BCAP29: variants seen among roughly 807,000 people sequenced by gnomAD.
BCAP29 encodes B cell receptor associated protein 29, also known as B-cell receptor-associated protein 29.
In BCAP29, 34 loss-of-function variants were observed where a neutral mutation model predicts 31.8. That is an observed-to-expected ratio of 1.07 (90% CI 0.81 to 1.42). The LOEUF (loss-of-function observed/expected upper bound fraction) is 1.42, where lower values mean the gene tolerates loss of function less well. BCAP29 is among the 40% of genes most tolerant of loss of function. The pLI is 0.00. For synonymous variants in BCAP29, 104 were observed against 91.3 expected (o/e 1.14, Z -0.79); for missense variants, 314 against 269.2 (o/e 1.17, Z -1.16).
Position 107,580,766 on chromosome 7 carries a change from G to GA in BCAP29, c.1dup, listed in dbSNP as rs1806481076. 6 of 1,591,482 alleles carry GA rather than the reference G, an allele frequency of 3.8e-6. No homozygotes were observed. In the South Asian group the frequency reaches 5.7e-5, roughly 15 times the overall value. ...AAGTGTTTTTCCATTTAGGTGTGAA[G>GA]AAAAAAATGACACTCCAATGGGCTG... On this transcript the variant is annotated 5_prime_UTR_variant, in exon 2 of 8. Transcript: ENST00000005259.
At chr7:107,591,656 A>ACACACACACACACACACACACACACAC in intron 3 of BCAP29, among the ~76,000 whole-genome samples, 3 of 136,074 alleles carry the variant, frequency 2.2e-5, no homozygotes, top group African/African-American at 5.5e-5. Context: ...ACACACACAC[A>ACACACACACACACACACACACACACAC]CCCTATTGGT....
At chr7:107,599,176 T>TATTTA (rs1810490379) in intron 5 of BCAP29, among the ~76,000 whole-genome samples, 2 of 51,586 alleles carry the variant, frequency 3.9e-5, no homozygotes, top group African/African-American at 1.8e-4. Flanking sequence ...TATAAATATA[T>TATTTA]TAAAATTTAT....
chr7:107,602,775 C>T (rs1220523603), intron 6 of BCAP29, among the ~76,000 whole-genome samples: 1 of 152,024 alleles, frequency 6.6e-6, no homozygotes, highest in Non-Finnish European at 1.5e-5. Context: ...CAAACACCTT[C>T]AGTTTTTAAC....
At chr7:107,587,337 G>A (rs145670931) in intron 3 of BCAP29, 1 of 152,242 alleles carries the variant, frequency 6.6e-6, no homozygotes, top group Non-Finnish European at 1.5e-5. Context: ...GTATACAGGT[G>A]ATGTATTCTA....
At position 107,618,619 on chromosome 7, in the gene BCAP29, A is replaced by T. The variant is rs1206284792; in HGVS notation, c.*256A>T. On this transcript the variant is annotated 3_prime_UTR_variant, in exon 8 of 8. Transcript: ENST00000005259. ...TTTACATATTGATAATGTCATTGGT[A>T]TATGGTGGCTGTTTACCAATAAAAG... 2.0e-6 allele frequency: 3 copies of T among 1,521,886 alleles called. No individual in the cohort carries two copies. The East Asian group carries it at 6.8e-5, about 35-fold the overall frequency. The allele number at this position is 1,521,886 out of a possible 1,614,324, so 94.3% of individuals were successfully genotyped here.
At chr7:107,614,440 G>A (rs1424031118) in intron 7 of BCAP29, among the ~76,000 whole-genome samples, 2 of 152,132 alleles carry the variant, frequency 1.3e-5, no homozygotes, top group Non-Finnish European at 2.9e-5. Flanking sequence ...CAATAATGAT[G>A]CCTGGCTCAC....
At chr7:107,608,320 G>A (rs916613110) in intron 6 of BCAP29, among the ~76,000 whole-genome samples, 2 of 152,040 alleles carry the variant, frequency 1.3e-5, no homozygotes, top group Admixed American at 1.3e-4. Context: ...TTGTCAGTAT[G>A]GACTCATAGG....
At position 107,613,430 on chromosome 7, in the gene BCAP29, C is replaced by G; in HGVS notation, c.688C>G (p.Gln230Glu). The G allele has an allele frequency of 1.9e-6, 3 of 1,600,366 alleles. No homozygotes were observed. Among genetic ancestry groups the G allele is most frequent in the Non-Finnish European group, 2.6e-6 (3 of 1,168,558 alleles). ...DQLLKEHSEL[Q>E]DRLERGNKKR... Reference sequence around the variant, plus strand: ...ACTCCTGAAAGAACACTCTGAACTTCAGGTGGGTGTGACATGCACTTTATG... The same window carrying G: ...ACTCCTGAAAGAACACTCTGAACTTGAGGTGGGTGTGACATGCACTTTATG... The change falls in exon 7 of 8, where the codon CAG becomes GAG. Residue 230 changes from glutamine (Q) to glutamate (E), a missense_variant and splice_region_variant. Coordinates refer to ENST00000005259, the MANE Select transcript of BCAP29 (RefSeq NM_018844.4).
At chr7:107,599,959 A>G (rs796817788) in intron 5 of BCAP29, among the ~76,000 whole-genome samples, 18 of 152,270 alleles carry the variant, frequency 1.2e-4, no homozygotes, top group African/African-American at 3.1e-4. Context: ...CCACTCTGAC[A>G]TATTCTTCTC....
At chr7:107,581,543 GTTTAA>G (rs1806669684) in intron 2 of BCAP29, among the ~76,000 whole-genome samples, 1 of 152,082 alleles carries the variant, frequency 6.6e-6, no homozygotes, top group African/African-American at 2.4e-5. Context: ...CTTTTTAGTC[GTTTAA>G]TTTTAGATCC....
At chr7:107,602,583 T>C (rs1811354356) in intron 6 of BCAP29, among the ~76,000 whole-genome samples, 1 of 151,780 alleles carries the variant, frequency 6.6e-6, no homozygotes, top group Admixed American at 6.6e-5. Flanking sequence ...TAGAGGAAAA[T>C]AGGGTGTTTT....
At chr7:107,609,030 A>G (rs529414536) in intron 6 of BCAP29, among the ~76,000 whole-genome samples, 1 of 152,204 alleles carries the variant, frequency 6.6e-6, no homozygotes, top group Non-Finnish European at 1.5e-5. Context: ...CTTCAATTCA[A>G]TACGTGGTGT....
At chr7:107,591,520 A>G (rs1467046665) in intron 3 of BCAP29, among the ~76,000 whole-genome samples, 1 of 152,084 alleles carries the variant, frequency 6.6e-6, no homozygotes, top group African/African-American at 2.4e-5. Flanking sequence ...TCTACCCTCC[A>G]GATTTTAAAC....
At chr7:107,601,554 A>G (rs1333818665) in intron 6 of BCAP29, among the ~76,000 whole-genome samples, 2 of 152,222 alleles carry the variant, frequency 1.3e-5, no homozygotes, top group East Asian at 1.9e-4. Context: ...TGTAGTTGGC[A>G]TAGTATAGCC....
chr7:107,580,977 T>G (rs1806547649), intron 2 of BCAP29, 113 bp downstream of exon 2: 1 of 654,228 alleles, frequency 1.5e-6, no homozygotes, highest in Non-Finnish European at 2.5e-6. Context: ...TAAACTCACC[T>G]AACGAATTAG....
Position 107,596,001 on chromosome 7 carries a change from G to C in BCAP29, c.479G>C (p.Arg160Thr). Residue 160 changes from arginine (R) to threonine (T), a missense_variant and splice_region_variant, in exon 5 of 8, where the codon AGG becomes ACG. Coordinates refer to ENST00000005259, the MANE Select transcript of BCAP29 (RefSeq NM_018844.4). ...ATGGAAGAAAACGAAAAACTAAAAA[G>C]GGTATTTAATTTTCTTTGTAAAAAT... ...KFMEENEKLK[R>T]ILKSHGKDEE... 6.4e-7 allele frequency: 1 copy of C among 1,563,514 alleles called. No individual in the cohort carries two copies. Among genetic ancestry groups the C allele is most frequent in the East Asian group, 2.3e-5 (1 of 43,114 alleles).
At chr7:107,595,768 C>G in intron 4 of BCAP29, 99 bp from the exon 5 acceptor site, 1 of 1,302,944 alleles carries the variant, frequency 7.7e-7, no homozygotes. Context: ...TCTGCCACCA[C>G]CACACCTATA....
chr7:107,616,267 C>G (rs1814118466), intron 7 of BCAP29: 1 of 152,342 alleles, frequency 6.6e-6, no homozygotes, highest in African/African-American at 2.4e-5. Flanking sequence ...CTAGGTCCCA[C>G]TGGGCAGCTT....
rs548465076 is a variant in BCAP29, at chr7:107,590,601, C to G, written c.194-3354C>G. ...AGGAGGCTGAGTTGGGCAGATTGCT[C>G]AAGCTCAGGAGTTGCAGACCATCCT... is the stretch of plus-strand genomic sequence containing the variant. On this transcript the variant is annotated intron_variant, in intron 3 of 7. Transcript: ENST00000005259. 1.3e-5 allele frequency among the ~76,000 whole-genome samples: 2 copies of G among 152,146 alleles called. 1 individual carries two copies. The highest frequency in any genetic ancestry group is 4.8e-5 in the African/African-American group (2 of 41,496).
Sources: gnomAD v4.1 joint callset for allele counts (sites outside exome capture counted in the v4.1 genomes callset) on GRCh38, gnomAD v4.1.1 for gene constraint, MANE v1.5 for transcripts, NCBI Gene and HGNC (gene_info 2026-07-23, HGNC 2026-07-21) for gene names.